The following ARHGAP22 variants were observed in gnomAD, a reference collection of about 807,000 sequenced individuals.
The protein encoded by ARHGAP22 is Rho GTPase activating protein 22.
In ARHGAP22, 48 loss-of-function variants were observed where a neutral mutation model predicts 59.1. That is an observed-to-expected ratio of 0.81 (90% CI 0.64 to 1.03). The LOEUF (loss-of-function observed/expected upper bound fraction) is 1.03. Among genes scored for constraint, ARHGAP22 ranks in the 50% least tolerant of loss-of-function variants. The pLI is 0.00. For missense variants in ARHGAP22, 1,015 were observed against 958.7 expected (o/e 1.06, Z -0.78); for synonymous variants, 445 against 416.4 (o/e 1.07, Z -0.84).
chr10:48,556,603 C>T (rs1221835267), intron 2 of ARHGAP22: 2 of 152,230 alleles, frequency 1.3e-5, no homozygotes, highest in Non-Finnish European at 2.9e-5. Context: ...GAACATTGTT[C>T]AACCTGTCTG....
At chr10:48,592,034 C>T (rs1303356828) in intron 1 of ARHGAP22, among the ~76,000 whole-genome samples, 2 of 152,046 alleles carry the variant, frequency 1.3e-5, no homozygotes, top group African/African-American at 4.8e-5. Context: ...CCTGAGTGCC[C>T]GTTAGTAAGA....
intron 7 of ARHGAP22, 95 bp downstream of exon 7, chr10:48,453,993 C>G: frequency 1.5e-6 from 2 of 1,332,290 alleles, no homozygotes; most frequent in Admixed American, 1.7e-5. Flanking sequence ...CCCGGGCCCC[C>G]CTCTGACAAG....
the ARHGAP22 span, among the ~76,000 whole-genome samples, chr10:48,431,941 G>T: frequency 6.6e-6 from 1 of 152,160 alleles, no homozygotes; most frequent in African/African-American, 2.4e-5. Flanking sequence ...TAAGGTATAG[G>T]ATTATTGCAC....
intron 1 of ARHGAP22, among the ~76,000 whole-genome samples, chr10:48,619,778 A>G (rs2061218480): frequency 6.6e-6 from 1 of 152,232 alleles, no homozygotes; most frequent in Admixed American, 6.5e-5. Context: ...GCTTCAGGAC[A>G]TTGGTCTGAG....
intron 3 of ARHGAP22, among the ~76,000 whole-genome samples, chr10:48,548,331 T>G (rs1752721589): frequency 6.6e-6 from 1 of 152,094 alleles, no homozygotes; most frequent in Non-Finnish European, 1.5e-5. Flanking sequence ...CCAGGACTCT[T>G]AATCTCCACT....
intron 1 of ARHGAP22, among the ~76,000 whole-genome samples, chr10:48,641,440 C>T (rs527893090): frequency 1.3e-5 from 2 of 152,272 alleles, no homozygotes; most frequent in Admixed American, 1.3e-4. Flanking sequence ...GCTGGTTCAA[C>T]ATACGCAAAT....
chr10:48,508,882 A>G (rs1239298943), intron 3 of ARHGAP22, among the ~76,000 whole-genome samples: 2 of 152,232 alleles, frequency 1.3e-5, no homozygotes, highest in Non-Finnish European at 2.9e-5. Flanking sequence ...CAGTGACACC[A>G]ATCAACATGC....
At chr10:48,536,792 G>C (rs931839540) in intron 3 of ARHGAP22, among the ~76,000 whole-genome samples, 1 of 152,220 alleles carries the variant, frequency 6.6e-6, no homozygotes, top group African/African-American at 2.4e-5. Context: ...TGGGCTCCCA[G>C]GGGGCAATGT....
chr10:48,654,101 G>A (rs1010223318), upstream of ARHGAP22, among the ~76,000 whole-genome samples: 1 of 152,186 alleles, frequency 6.6e-6, no homozygotes, highest in African/African-American at 2.4e-5. Context: ...GTTAAAAAGA[G>A]GGGATTTATT....
intron 3 of ARHGAP22, among the ~76,000 whole-genome samples, chr10:48,489,952 C>T (rs1333883820): frequency 1.3e-5 from 2 of 152,130 alleles, no homozygotes; most frequent in Admixed American, 1.3e-4. Context: ...CCAGGATGGT[C>T]TGGATCTCCT....
chr10:48,583,749 C>T (rs1333837586), intron 1 of ARHGAP22, among the ~76,000 whole-genome samples: 1 of 152,152 alleles, frequency 6.6e-6, no homozygotes, highest in South Asian at 2.1e-4. Flanking sequence ...GGCATCCGAG[C>T]CCCCAAAGCC....
chr10:48,433,893 A>G, the ARHGAP22 span, among the ~76,000 whole-genome samples: 1 of 152,214 alleles, frequency 6.6e-6, no homozygotes, highest in Non-Finnish European at 1.5e-5. Flanking sequence ...TTTGAAGACC[A>G]TTGATTTTAT....
chr10:48,531,667 AG>A (rs1187584160), intron 3 of ARHGAP22, among the ~76,000 whole-genome samples: 4 of 4,308 alleles, frequency 9.3e-4, no homozygotes, highest in East Asian at 2.3e-3. Flanking sequence ...ACCGAAGTAC[AG>A]AGAAGTGAGG....
At chr10:48,643,795 T>G (rs749226928) in intron 1 of ARHGAP22, among the ~76,000 whole-genome samples, 1 of 149,234 alleles carries the variant, frequency 6.7e-6, no homozygotes, top group Non-Finnish European at 1.5e-5. Context: ...CACACAACAG[T>G]AAACATAAGA....
upstream of ARHGAP22, among the ~76,000 whole-genome samples, chr10:48,605,429 C>T (rs899011518): frequency 2.6e-5 from 4 of 151,294 alleles, no homozygotes; most frequent in African/African-American, 9.7e-5. Context: ...AGCAAGCAGC[C>T]CGGCAATGTA....
At chr10:48,553,410 C>G (rs1246329166) in intron 3 of ARHGAP22, among the ~76,000 whole-genome samples, 1 of 152,216 alleles carries the variant, frequency 6.6e-6, no homozygotes, top group Non-Finnish European at 1.5e-5. Flanking sequence ...TCCTTAGGCC[C>G]AGGTGGGGAA....
At chr10:48,503,161 G>T (rs529194516) in intron 3 of ARHGAP22, among the ~76,000 whole-genome samples, 9 of 152,320 alleles carry the variant, frequency 5.9e-5, no homozygotes, top group African/African-American at 2.2e-4. Flanking sequence ...AAAAATATTT[G>T]GAGGGAGAAG....
intron 2 of ARHGAP22, among the ~76,000 whole-genome samples, chr10:48,568,713 A>G (rs1338266469): frequency 6.6e-6 from 1 of 152,192 alleles, no homozygotes; most frequent in Non-Finnish European, 1.5e-5. Context: ...GGTGTGAAAC[A>G]GCCTCTCCTG....
At position 48,592,986 on chromosome 10, in the gene ARHGAP22, G is replaced by T. The variant is rs549423798; in HGVS notation, c.35-9834C>A. On this transcript the variant is annotated intron_variant, in intron 1 of 9. Coordinates refer to ENST00000249601, the MANE Select transcript of ARHGAP22 (RefSeq NM_021226.4). ...AGATCTGACACTATGGCCTATGAGG[G>T]TCCTGGGGACCGGCCACACGGCCTC... Among the ~76,000 whole-genome samples, 193 of 152,348 alleles carry T rather than the reference G, an allele frequency of 1.3e-3. 1 individual carries two copies. The highest frequency in any genetic ancestry group is 4.4e-3 in the African/African-American group (183 of 41,576).
Sources: allele counts gnomAD v4.1 joint callset (sites outside exome capture counted in the v4.1 genomes callset), GRCh38; gene constraint gnomAD v4.1.1; transcripts MANE v1.5; gene names NCBI Gene and HGNC (gene_info 2026-07-23, HGNC 2026-07-21).